The following PHF21B variants were observed in gnomAD, a reference collection of about 807,000 sequenced individuals.
The protein encoded by PHF21B is PHD finger protein 4.
PHF21B carries 22 observed loss-of-function variants against 62.2 expected under a neutral mutation model. That is an observed-to-expected ratio of 0.35 (90% CI 0.25 to 0.51). PHF21B has a LOEUF of 0.51. PHF21B is among the 20% of genes least tolerant of loss of function. The probability of loss-of-function intolerance (pLI) is 0.97; values close to 1 mark genes in which losing one functional copy is unlikely to be tolerated. For missense variants in PHF21B, 701 were observed against 707.9 expected, an observed-to-expected ratio of 0.99 and a Z score of 0.11; for synonymous variants, 341 against 314.7, an observed-to-expected ratio of 1.08 and a Z score of -0.88.
At chr22:44,922,351 G>A (rs996681374) in intron 2 of PHF21B, among the ~76,000 whole-genome samples, 1 of 152,148 alleles carries the variant, frequency 6.6e-6, no homozygotes, top group Admixed American at 6.5e-5. Flanking sequence ...ATCAGTTGTG[G>A]GCTGGGCGCG....
intron 2 of PHF21B, among the ~76,000 whole-genome samples, chr22:44,962,413 T>TA (rs765898387): frequency 3.3e-5 from 5 of 152,212 alleles, no homozygotes; most frequent in Non-Finnish European, 7.3e-5. Context: ...CAGCCTAACT[T>TA]AGTGTGCTCA....
intron 2 of PHF21B, among the ~76,000 whole-genome samples, chr22:44,986,706 TTCC>T (rs2072956094): frequency 6.6e-6 from 1 of 152,174 alleles, no homozygotes; most frequent in South Asian, 2.1e-4. Context: ...TTGAATTTTA[TTCC>T]TCAAGTTACC....
chr22:44,960,522 T>A (rs2072397076), intron 2 of PHF21B, among the ~76,000 whole-genome samples: 1 of 152,288 alleles, frequency 6.6e-6, no homozygotes, highest in Non-Finnish European at 1.5e-5. Context: ...GGCTGCTGGT[T>A]CTTCCCATGT....
intron 2 of PHF21B, among the ~76,000 whole-genome samples, chr22:44,997,946 C>CGGAA (rs931485469): frequency 4.0e-5 from 6 of 151,774 alleles, no homozygotes; most frequent in African/African-American, 1.5e-4. Context: ...ATGACTCTTC[C>CGGAA]GTAACAAGCC....
At chr22:44,965,778 C>T (rs1167743552) in intron 2 of PHF21B, among the ~76,000 whole-genome samples, 4 of 152,200 alleles carry the variant, frequency 2.6e-5, no homozygotes, top group Admixed American at 2.6e-4. Flanking sequence ...CTGCCAGATG[C>T]CAGGCAATGG....
At chr22:44,935,337 G>A (rs910410130) in intron 2 of PHF21B, among the ~76,000 whole-genome samples, 14 of 151,978 alleles carry the variant, frequency 9.2e-5, no homozygotes, top group African/African-American at 3.4e-4. Flanking sequence ...GCACATGGCC[G>A]GGCGCGGTGG....
In PHF21B at chr22:45,009,359, C is replaced by T; in HGVS notation, c.54+137G>A. On this transcript the variant is annotated intron_variant, in intron 1 of 12. Transcript: ENST00000313237. The surrounding 1 kb of genome is among the most constrained non-coding windows in gnomAD (Gnocchi z 5.9). ...AGGGGGTCCGCGCGTGTGCTCACTC[C>T]CTCGCCCCCCGCCCCCGGGCAGGCT... The T allele has an allele frequency of 1.1e-6, 1 of 905,154 alleles. No homozygotes were observed. Among genetic ancestry groups the T allele is most frequent in the Non-Finnish European group, 1.6e-6 (1 of 623,936 alleles). The allele number at this position is 905,154 out of a possible 1,614,324, so 56.1% of individuals were successfully genotyped here.
intron 2 of PHF21B, among the ~76,000 whole-genome samples, chr22:44,961,096 A>C (rs1415627291): frequency 2.7e-5 from 4 of 150,728 alleles, no homozygotes; most frequent in African/African-American, 4.9e-5. Context: ...AGCTGGGATT[A>C]CAGGTACGCG....
At chr22:44,915,810 G>C (rs2071422123) in intron 4 of PHF21B, among the ~76,000 whole-genome samples, 1 of 152,198 alleles carries the variant, frequency 6.6e-6, no homozygotes, top group African/African-American at 2.4e-5. Flanking sequence ...GAGGACCTTA[G>C]TTTTAGTTTT....
chr22:44,922,134 A>G (rs184530596), intron 2 of PHF21B, among the ~76,000 whole-genome samples: 293 of 152,372 alleles, frequency 1.9e-3, no homozygotes, highest in African/African-American at 6.6e-3. Flanking sequence ...AATTCTAACA[A>G]TAACAAAAAG....
chr22:44,957,067 T>C lies in PHF21B; in HGVS notation c.121-36577A>G, dbSNP rs575625316. 8.6e-5 allele frequency among the ~76,000 whole-genome samples: 13 copies of C among 152,024 alleles called. No homozygotes were observed. In the South Asian group the frequency reaches 2.1e-3, roughly 24 times the overall value. ...GGTCACTGCCCACACGGCAGTCCAA[T>C]GGCCACCTCCACCTCAGCACCGCCC... On this transcript the variant is annotated intron_variant, in intron 2 of 12. Coordinates refer to ENST00000313237, the MANE Select transcript of PHF21B (RefSeq NM_138415.5).
chr22:44,913,449 C>T (rs770748589), intron 5 of PHF21B, among the ~76,000 whole-genome samples: 7 of 152,204 alleles, frequency 4.6e-5, no homozygotes, highest in African/African-American at 1.2e-4. Flanking sequence ...AACATGAACT[C>T]GCAGAATCCT....
At chr22:44,902,183 C>T (rs1027009496) in intron 5 of PHF21B, 2 of 200,602 alleles carry the variant, frequency 1.0e-5, no homozygotes, top group Non-Finnish European at 2.1e-5. Context: ...TGTGAAAATC[C>T]CAATACATCT....
Position 44,943,929 on chromosome 22 carries a change from C to T in PHF21B, c.121-23439G>A, listed in dbSNP as rs573457418. Among the ~76,000 whole-genome samples the T allele has an allele frequency of 4.6e-5, 7 of 152,324 alleles. No homozygotes were observed. In the South Asian group the frequency reaches 8.3e-4, roughly 18 times the overall value. Reference sequence around the variant, plus strand: ...TGCAGATGAAAACCCCCAGGCCTGGCGCACAGTAGCTGCTCAGTCAAATGT... The same window carrying T: ...TGCAGATGAAAACCCCCAGGCCTGGTGCACAGTAGCTGCTCAGTCAAATGT... On this transcript the variant is annotated intron_variant, in intron 2 of 12. Transcript: ENST00000313237.
intron 2 of PHF21B, among the ~76,000 whole-genome samples, chr22:44,939,709 G>A (rs893523827): frequency 6.6e-6 from 1 of 152,208 alleles, no homozygotes; most frequent in East Asian, 1.9e-4. Flanking sequence ...AGCAGGGCTA[G>A]GGAGGGGCGA....
At chr22:44,956,742 C>A (rs902807829) in intron 2 of PHF21B, among the ~76,000 whole-genome samples, 2 of 152,150 alleles carry the variant, frequency 1.3e-5, no homozygotes, top group Non-Finnish European at 2.9e-5. Flanking sequence ...CTGGGCCCAC[C>A]CAAGGCAGTG....
At chr22:45,004,288 AG>A (rs1262502033) in intron 2 of PHF21B, among the ~76,000 whole-genome samples, 1 of 152,122 alleles carries the variant, frequency 6.6e-6, no homozygotes, top group East Asian at 1.9e-4. Context: ...GACGCAGTGA[AG>A]GGGCTATCAC....
chr22:44,988,608 T>C (rs2072993002), intron 2 of PHF21B, among the ~76,000 whole-genome samples: 1 of 152,236 alleles, frequency 6.6e-6, no homozygotes, highest in Non-Finnish European at 1.5e-5. Flanking sequence ...TGATGCTTAT[T>C]ATCTCATTTT....
intron 2 of PHF21B, among the ~76,000 whole-genome samples, chr22:44,974,412 A>G (rs1312727627): frequency 6.6e-6 from 1 of 150,728 alleles, no homozygotes; most frequent in African/African-American, 2.4e-5. Flanking sequence ...CCTGTCTTAA[A>G]AAAAAAAAAA....
Sources: gnomAD v4.1 joint callset for allele counts (sites outside exome capture counted in the v4.1 genomes callset) on GRCh38, gnomAD v4.1.1 for gene constraint, Gnocchi (gnomAD v3.1) non-coding constraint, MANE v1.5 for transcripts, NCBI Gene and HGNC (gene_info 2026-07-23, HGNC 2026-07-21) for gene names.